The following VRTN variants were observed in gnomAD, a reference collection of about 807,000 sequenced individuals.
The protein encoded by VRTN is vertebrae development associated.
A neutral mutation model predicts 18.2 loss-of-function variants in VRTN; 5 were observed. The observed-to-expected ratio is 0.27, with a 90% CI of 0.14 to 0.58. VRTN has a LOEUF of 0.58. VRTN is among the 20% of genes least tolerant of loss of function. The pLI is 0.91. For missense variants in VRTN, 741 were observed against 939.4 expected (o/e 0.79, Z 2.76); for synonymous variants, 381 against 393.7 (o/e 0.97, Z 0.38).
chr14:74,358,443 G>A lies in VRTN; in HGVS notation c.1660G>A (p.Gly554Ser), dbSNP rs776347944. The change falls in exon 2 of 2, where the codon GGC becomes AGC. Residue 554 changes from glycine to serine, a missense_variant. Transcript: ENST00000256362. The surrounding 1 kb of genome is among the most constrained non-coding windows in gnomAD (Gnocchi z 5.4). Reference sequence around the variant, plus strand: ...GAGTCTTGCTCGGGGTTGGCCCAGAGGCCTGTCCAAACTTCAGGTGCCGGT... The same window carrying A: ...GAGTCTTGCTCGGGGTTGGCCCAGAAGCCTGTCCAAACTTCAGGTGCCGGT... Reference protein sequence around the residue: ...WKSLARGWPRGLSKLQVPVPT... With the variant: ...WKSLARGWPRSLSKLQVPVPT... The A allele has an allele frequency of 6.2e-6, 10 of 1,614,194 alleles. No homozygotes were observed. Among genetic ancestry groups the A allele is most frequent in the Non-Finnish European group, 7.6e-6 (9 of 1,180,028 alleles).
chr14:74,313,888 C>T (rs1215623143), intron 1 of VRTN, among the ~76,000 whole-genome samples: 2 of 152,004 alleles, frequency 1.3e-5, no homozygotes, highest in East Asian at 1.9e-4. Context: ...AAGCTGAGAT[C>T]GTGCCACTGC....
intron 2 of VRTN, among the ~76,000 whole-genome samples, chr14:74,343,239 G>A (rs2085620070): frequency 6.6e-6 from 1 of 152,032 alleles, no homozygotes; most frequent in Non-Finnish European, 1.5e-5. Context: ...CGATTCTCCT[G>A]CCTCAATCTC....
At chr14:74,339,103 A>T (rs1045977986) in intron 2 of VRTN, among the ~76,000 whole-genome samples, 2 of 151,824 alleles carry the variant, frequency 1.3e-5, no homozygotes, top group Non-Finnish European at 2.9e-5. Flanking sequence ...GCCTCAAGTG[A>T]TCCTCCTGCT....
At chr14:74,320,210 A>G (rs1418369916) in intron 1 of VRTN, among the ~76,000 whole-genome samples, 1 of 145,732 alleles carries the variant, frequency 6.9e-6, no homozygotes. Context: ...TGATTATGCC[A>G]CTGTACTCCA....
chr14:74,333,676 C>G (rs908717649), intron 1 of VRTN, among the ~76,000 whole-genome samples: 2 of 151,366 alleles, frequency 1.3e-5, no homozygotes, highest in Non-Finnish European at 2.9e-5. Context: ...CCCATCTCTA[C>G]TAAAAATACA....
At chr14:74,344,252 A>AAAAAAAAAAAAAAAAAAAAAAAAAAC (rs2085627394), upstream of VRTN, among the ~76,000 whole-genome samples, 1 of 140,036 alleles carries the variant, frequency 7.1e-6, no homozygotes, top group Non-Finnish European at 1.5e-5. Context: ...TCTACAAAAA[A>AAAAAAAAAAAAAAAAAAAAAAAAAAC]AAAAAAAAAA....
At position 74,358,767 on chromosome 14, in the gene VRTN, C is replaced by T. The variant is rs138382688; in HGVS notation, c.1984C>T (p.Arg662Cys). Reference protein sequence around the residue: ...KAQAKLFLQKRFQSKSFPSYK... With the variant: ...KAQAKLFLQKCFQSKSFPSYK... ...CCAGGCCAAGCTGTTCTTGCAGAAGCGCTTCCAGTCCAAGAGCTTTCCCTC... is the reference window on the plus strand; with the variant it reads ...CCAGGCCAAGCTGTTCTTGCAGAAGTGCTTCCAGTCCAAGAGCTTTCCCTC... Residue 662 changes from arginine to cysteine, a missense_variant, in exon 2 of 2, where the codon CGC (arginine) becomes TGC (cysteine). Physicochemically the swap from Arg to Cys is radical, Grantham distance 180. Around this residue, in one of 3 missense-constraint regions of VRTN, gnomAD observed 61 missense variants for 104.6 expected, o/e 0.58. Coordinates refer to ENST00000256362, the MANE Select transcript of VRTN (RefSeq NM_018228.3). The surrounding 1 kb of genome is among the most constrained non-coding windows in gnomAD (Gnocchi z 5.4). 42 of 1,614,220 alleles carry T rather than the reference C, an allele frequency of 2.6e-5. No individual in the cohort carries two copies. The highest frequency in any genetic ancestry group is 1.6e-4 in the Middle Eastern group (1 of 6,062).
chr14:74,344,372 T>A (rs1190071881), upstream of VRTN, among the ~76,000 whole-genome samples: 1 of 134,376 alleles, frequency 7.4e-6, no homozygotes, highest in African/African-American at 2.9e-5. Flanking sequence ...ATCATGCCAG[T>A]GTACTCCAGC....
chr14:74,343,290 C>A (rs1170819130), intron 2 of VRTN, among the ~76,000 whole-genome samples: 1 of 152,106 alleles, frequency 6.6e-6, no homozygotes, highest in Non-Finnish European at 1.5e-5. Context: ...CCATACCCAG[C>A]TGATTTTTGT....
Position 74,356,473 on chromosome 14 carries a change from C to T in VRTN, c.-1-310C>T, listed in dbSNP as rs949641520. Among the ~76,000 whole-genome samples, 11 of 152,330 alleles carry T rather than the reference C, an allele frequency of 7.2e-5. No individual in the cohort carries two copies. The South Asian group carries it at 8.3e-4, about 11-fold the overall frequency. On this transcript the variant is annotated intron_variant, in intron 1 of 1. Transcript: ENST00000256362. ...TGCTAGGATTACAGGTGTAAGCCACCGTGCCTGGCCTATAAAGCAGATTTT... is the reference window on the plus strand; with the variant it reads ...TGCTAGGATTACAGGTGTAAGCCACTGTGCCTGGCCTATAAAGCAGATTTT...
intron 1 of VRTN, among the ~76,000 whole-genome samples, chr14:74,329,314 C>T (rs944953798): frequency 3.9e-5 from 6 of 152,076 alleles, no homozygotes; most frequent in Admixed American, 2.0e-4. Flanking sequence ...CTCTTGTCAC[C>T]CAGGCTGGCC....
upstream of VRTN, among the ~76,000 whole-genome samples, chr14:74,344,692 G>C (rs946124905): frequency 7.7e-6 from 1 of 129,808 alleles, no homozygotes; most frequent in Non-Finnish European, 1.5e-5. Context: ...CTGAGATCGC[G>C]GCACTGCACT....
chr14:74,328,264 G>T (rs1035153774), intron 1 of VRTN, among the ~76,000 whole-genome samples: 3 of 152,110 alleles, frequency 2.0e-5, no homozygotes, highest in Non-Finnish European at 4.4e-5. Context: ...GTCAGAGGTG[G>T]CCATGGTTTC....
chr14:74,340,257 CAT>C (rs2085594177), intron 2 of VRTN, among the ~76,000 whole-genome samples: 2 of 152,138 alleles, frequency 1.3e-5, no homozygotes, highest in South Asian at 2.1e-4. Flanking sequence ...GGATTATAGG[CAT>C]GTGCCACCAC....
chr14:74,340,692 T>C (rs1397430209), intron 2 of VRTN, among the ~76,000 whole-genome samples: 2 of 152,222 alleles, frequency 1.3e-5, no homozygotes, highest in African/African-American at 2.4e-5. Context: ...TATGAATAAA[T>C]GCACAAGTGA....
At chr14:74,325,636 C>G (rs1222197592) in intron 1 of VRTN, among the ~76,000 whole-genome samples, 2 of 151,866 alleles carry the variant, frequency 1.3e-5, no homozygotes, top group Non-Finnish European at 2.9e-5. Context: ...AGTGGGACCC[C>G]TGTCTACTCA....
chr14:74,356,978 G>C lies in VRTN; in HGVS notation c.195G>C (p.Leu65=). 3 of 1,612,492 alleles carry C rather than the reference G, an allele frequency of 1.9e-6. No individual in the cohort carries two copies. The highest frequency in any genetic ancestry group is 2.5e-6 in the Non-Finnish European group (3 of 1,179,466). The change falls in exon 2 of 2, where the codon CTG becomes CTC. Residue 65 remains leucine, a synonymous_variant. Coordinates refer to ENST00000256362, the MANE Select transcript of VRTN (RefSeq NM_018228.3). ...AAGTGGACTCGGTGGCCCTGAGCCT[G>C]TATCCAGAAGATGCTCCACGGAACA... ...VLEVDSVALS[L]YPEDAPRNML...
chr14:74,309,685 A>G (rs1056863200), intron 1 of VRTN, among the ~76,000 whole-genome samples: 10 of 152,296 alleles, frequency 6.6e-5, no homozygotes, highest in African/African-American at 2.2e-4. Flanking sequence ...CAACACAGCG[A>G]GACCTCGTTT....
Position 74,357,953 on chromosome 14 carries a change from C to A in VRTN, c.1170C>A (p.Ser390=), listed in dbSNP as rs569492942. ...EQVAEEELEC[S]ALAVSSPGMV... ...TGGCTGAGGAGGAGCTGGAGTGCTC[C>A]GCACTGGCGGTGTCAAGCCCTGGAA... The change falls in exon 2 of 2, where the codon TCC becomes TCA. Residue 390 remains serine (S), a synonymous_variant. Coordinates refer to ENST00000256362, the MANE Select transcript of VRTN (RefSeq NM_018228.3). This position sits in a 1 kb window ranked among gnomAD's most constrained non-coding sequence, Gnocchi z 7.8. The A allele has an allele frequency of 1.2e-6, 2 of 1,614,048 alleles. No individual in the cohort carries two copies. Among genetic ancestry groups the A allele is most frequent in the East Asian group, 2.2e-5 (1 of 44,876 alleles).
Sources: allele counts gnomAD v4.1 joint callset (sites outside exome capture counted in the v4.1 genomes callset), GRCh38; gene constraint gnomAD v4.1.1; regional missense constraint gnomAD v4.1.1; non-coding constraint Gnocchi (gnomAD v3.1); transcripts MANE v1.5; gene names NCBI Gene and HGNC (gene_info 2026-07-23, HGNC 2026-07-21).